PPP2R1A: variants seen among roughly 807,000 people sequenced by gnomAD.
PPP2R1A encodes serine/threonine-protein phosphatase 2A 65 kDa regulatory subunit A alpha isoform.
A neutral mutation model predicts 67.1 loss-of-function variants in PPP2R1A; 15 were observed. That is an observed-to-expected ratio of 0.22 (90% confidence interval 0.15 to 0.34). The LOEUF is 0.34. Among genes scored for constraint, PPP2R1A ranks in the 10% least tolerant of loss-of-function variants. The probability of loss-of-function intolerance (pLI) is 1.00; values close to 1 mark genes in which losing one functional copy is unlikely to be tolerated. For synonymous variants in PPP2R1A, 337 were observed against 325.0 expected, an observed-to-expected ratio of 1.04 and a Z score of -0.40; for missense variants, 369 against 775.0, an observed-to-expected ratio of 0.48 and a Z score of 6.22.
At chr19:52,197,682 C>A (rs2089508870) in intron 1 of PPP2R1A, among the ~76,000 whole-genome samples, 2 of 152,040 alleles carry the variant, frequency 1.3e-5, no homozygotes, top group East Asian at 1.9e-4. Context: ...CTCAAAACAA[C>A]AACAAGCACA....
intron 3 of PPP2R1A, among the ~76,000 whole-genome samples, chr19:52,209,343 C>T (rs1156429799): frequency 6.6e-6 from 1 of 152,138 alleles, no homozygotes; most frequent in Non-Finnish European, 1.5e-5. Flanking sequence ...CACACCGCAC[C>T]TATGGTCACA....
chr19:52,221,277 G>C, intron 12 of PPP2R1A, 144 bp downstream of exon 12: 1 of 1,259,896 alleles, frequency 7.9e-7, no homozygotes, highest in Non-Finnish European at 1.1e-6. Flanking sequence ...ATGAGTCCTT[G>C]GGGAACTGCA....
intron 1 of PPP2R1A, among the ~76,000 whole-genome samples, chr19:52,190,768 A>G (rs2089446684): frequency 6.6e-6 from 1 of 152,172 alleles, no homozygotes; most frequent in South Asian, 2.1e-4. Flanking sequence ...TTAGGAGCGA[A>G]TTAGGTTGTA....
At position 52,221,039 on chromosome 19, in the gene PPP2R1A, A is replaced by G. The variant is rs760153767; in HGVS notation, c.1424A>G (p.Lys475Arg). Residue 475 changes from lysine (K) to arginine (R), a missense_variant, in exon 12 of 15, where the codon AAG becomes AGG. Around this residue, in one of 2 missense-constraint regions of PPP2R1A, gnomAD observed 276 missense variants for 508.4 expected, o/e 0.54. Transcript: ENST00000322088. ...NLKKLVEKFG[K>R]EWAHATIIPK... ...AAGAAGCTAGTGGAAAAGTTTGGGA[A>G]GGAGTGGGCCCATGCCACAATCATC... 29 of 1,614,240 alleles carry G rather than the reference A, an allele frequency of 1.8e-5. No individual in the cohort carries two copies. Among genetic ancestry groups the G allele is most frequent in the Non-Finnish European group, 2.4e-5 (28 of 1,180,026 alleles).
chr19:52,220,102 G>T, intron 10 of PPP2R1A, 87 bp from the exon 11 acceptor site: 1 of 1,430,360 alleles, frequency 7.0e-7, no homozygotes, highest in South Asian at 1.2e-5. Context: ...TTCTAGGGTG[G>T]GTGTAGGTTC....
intron 2 of PPP2R1A, among the ~76,000 whole-genome samples, chr19:52,204,863 C>A (rs2122308739): frequency 6.6e-6 from 1 of 152,286 alleles, no homozygotes. Context: ...CCGAACAACC[C>A]TATGAAGTGA....
intron 1 of PPP2R1A, among the ~76,000 whole-genome samples, chr19:52,195,994 A>G (rs2089493566): frequency 1.3e-5 from 2 of 152,176 alleles, no homozygotes; most frequent in Admixed American, 6.5e-5. Flanking sequence ...TCTGTTTTCC[A>G]TGACTATCTT....
intron 3 of PPP2R1A, among the ~76,000 whole-genome samples, chr19:52,210,192 C>G (rs1423252699): frequency 1.3e-5 from 2 of 152,136 alleles, no homozygotes; most frequent in Non-Finnish European, 2.9e-5. Context: ...AGTTGAGTCT[C>G]CCTTCAGTAG....
intron 13 of PPP2R1A, among the ~76,000 whole-genome samples, chr19:52,223,961 C>A (rs1274643989): frequency 6.6e-6 from 1 of 152,184 alleles, no homozygotes; most frequent in Admixed American, 6.5e-5. Flanking sequence ...AAACAACCTC[C>A]ATGTCTGTCC....
intron 3 of PPP2R1A, among the ~76,000 whole-genome samples, chr19:52,209,419 T>C (rs58576324): frequency 0.05 from 7,607 of 152,338 alleles, 294 homozygotes; most frequent in African/African-American, 0.1. Context: ...AGTGACATTA[T>C]GCTGGCTTGC....
At chr19:52,223,816 A>T (rs556522287) in intron 13 of PPP2R1A, among the ~76,000 whole-genome samples, 129 of 152,244 alleles carry the variant, frequency 8.5e-4, no homozygotes, top group African/African-American at 2.9e-3. Context: ...CTGGAGTGGA[A>T]TTTGGTGAAG....
chr19:52,210,041 T>C (rs1218723216), intron 3 of PPP2R1A, among the ~76,000 whole-genome samples: 2 of 152,236 alleles, frequency 1.3e-5, no homozygotes, highest in East Asian at 3.8e-4. Context: ...TCACCTTGGC[T>C]GATGGCATCA....
chr19:52,214,729 C>CTTT (rs761403678), intron 6 of PPP2R1A, among the ~76,000 whole-genome samples: 5 of 142,548 alleles, frequency 3.5e-5, no homozygotes, highest in Non-Finnish European at 7.7e-5. Flanking sequence ...GCGTGCCTCC[C>CTTT]TTTTTTTTTT....
intron 3 of PPP2R1A, among the ~76,000 whole-genome samples, chr19:52,207,879 A>AGGGG (rs946225621): frequency 3.3e-5 from 5 of 152,140 alleles, no homozygotes; most frequent in African/African-American, 1.2e-4. Flanking sequence ...CAAGGGAGGC[A>AGGGG]GGGGGGTCCT....
chr19:52,212,511 G>A lies in PPP2R1A; in HGVS notation c.504-175G>A. The A allele has an allele frequency of 3.0e-6, 2 of 673,250 alleles. No homozygotes were observed. The allele number at this position is 673,250 out of a possible 1,614,324, so 41.7% of individuals were successfully genotyped here. On this transcript the variant is annotated intron_variant, in intron 4 of 14. Coordinates refer to ENST00000322088, the MANE Select transcript of PPP2R1A (RefSeq NM_014225.6). The surrounding 1 kb of genome is among the most constrained non-coding windows in gnomAD (Gnocchi z 4.1). ...TCATTTAAACCTCATGCGGACCTGT[G>A]GGGTAGGTACTGTTACTATCAGCTC...
intron 9 of PPP2R1A, among the ~76,000 whole-genome samples, chr19:52,217,473 A>G (rs1300282080): frequency 6.6e-6 from 1 of 152,188 alleles, no homozygotes; most frequent in East Asian, 1.9e-4. Context: ...GCCTGGGATT[A>G]TAGGCGTGAG....
intron 13 of PPP2R1A, among the ~76,000 whole-genome samples, chr19:52,223,376 A>G (rs1360016703): frequency 2.6e-5 from 4 of 152,214 alleles, no homozygotes; most frequent in Non-Finnish European, 5.9e-5. Context: ...AACCAGAGGA[A>G]GTGATGGGTA....
Position 52,211,671 on chromosome 19 carries a change from T to G in PPP2R1A, c.503+179T>G. ...GAGTTGGTCTCTGGACACGGCCACG[T>G]GTCAGTTTACCCACCTCTGCCCCCT... On this transcript the variant is annotated intron_variant, in intron 4 of 14. Transcript: ENST00000322088. This position sits in a 1 kb window ranked among gnomAD's most constrained non-coding sequence, Gnocchi z 5.3. 1 of 650,692 alleles carries G rather than the reference T, an allele frequency of 1.5e-6. No homozygotes were observed. The highest frequency in any genetic ancestry group is 2.6e-6 in the Non-Finnish European group (1 of 383,750). The allele number at this position is 650,692 out of a possible 1,614,324, so 40.3% of individuals were successfully genotyped here.
At chr19:52,200,423 G>C (rs1025278) in intron 1 of PPP2R1A, 21,022 of 152,184 alleles carry the variant, frequency 0.14, 1,551 homozygotes, top group East Asian at 0.22. Context: ...CTCTCTGATC[G>C]TCACTTTCCA....
Sources: allele counts gnomAD v4.1 joint callset (sites outside exome capture counted in the v4.1 genomes callset), GRCh38; gene constraint gnomAD v4.1.1; regional missense constraint gnomAD v4.1.1; non-coding constraint Gnocchi (gnomAD v3.1); transcripts MANE v1.5; gene names NCBI Gene and HGNC (gene_info 2026-07-23, HGNC 2026-07-21).